Variants in FGF5 observed in about 807,000 individuals in gnomAD.
FGF5 encodes the protein heparin-binding growth factor 5.
FGF5 carries 23 observed loss-of-function variants against 21.8 expected under a neutral mutation model. The ratio of observed to expected loss-of-function variants is 1.05; its 90% CI spans 0.76 to 1.49. FGF5 has a LOEUF of 1.49. FGF5 is among the 40% of genes most tolerant of loss of function. The pLI is 0.00. For synonymous variants in FGF5, 158 were observed against 124.0 expected, an observed-to-expected ratio of 1.27 and a Z score of -1.82; for missense variants, 352 against 332.9, an observed-to-expected ratio of 1.06 and a Z score of -0.45.
rs1218990239 is a variant in FGF5, at chr4:80,290,741, A to C, written c.*4069A>C. ...ATGTGATGTTCCCCTTCGTGTGTCC[A>C]TGTGTTCTTATTGTTCAATTCCCAC... On this transcript the variant is annotated 3_prime_UTR_variant, in exon 3 of 3. Transcript: ENST00000312465. The C allele has an allele frequency of 6.6e-6, 1 of 151,594 alleles. No homozygotes were observed. The highest frequency in any genetic ancestry group is 1.9e-4 in the East Asian group (1 of 5,132). The allele number at this position is 151,594 out of a possible 1,614,324, so 9.4% of individuals were successfully genotyped here.
intron 2 of FGF5, among the ~76,000 whole-genome samples, chr4:80,278,969 C>T (rs1720486394): frequency 6.6e-6 from 1 of 152,166 alleles, no homozygotes. Context: ...TACTCTCTTT[C>T]TCAACACATT....
intron 2 of FGF5, among the ~76,000 whole-genome samples, chr4:80,275,922 A>G (rs1402567897): frequency 2.0e-5 from 3 of 152,060 alleles, no homozygotes; most frequent in African/African-American, 7.2e-5. Flanking sequence ...AATTATTGGA[A>G]TATCACTTTT....
At chr4:80,269,900 TGATCAATGCA>T (rs1477325686) in intron 1 of FGF5, among the ~76,000 whole-genome samples, 2 of 152,250 alleles carry the variant, frequency 1.3e-5, no homozygotes, top group Non-Finnish European at 2.9e-5. Context: ...TTACTACCTT[TGATCAATGCA>T]GAATTTGCAT....
At chr4:80,281,403 T>G (rs2109926821) in intron 2 of FGF5, among the ~76,000 whole-genome samples, 1 of 152,344 alleles carries the variant, frequency 6.6e-6, no homozygotes, top group South Asian at 2.1e-4. Context: ...GATAACCTTT[T>G]TGTTATTTAA....
intron 2 of FGF5, among the ~76,000 whole-genome samples, chr4:80,276,709 A>T (rs892338914): frequency 1.3e-5 from 2 of 151,432 alleles, no homozygotes; most frequent in Non-Finnish European, 2.9e-5. Flanking sequence ...ATTTTATTTT[A>T]AAATATTAGT....
chr4:80,270,954 A>C (rs913485674), intron 1 of FGF5, among the ~76,000 whole-genome samples: 1 of 152,222 alleles, frequency 6.6e-6, no homozygotes, highest in East Asian at 1.9e-4. Context: ...CAAGTGGAAA[A>C]TTTCTGTTGC....
At chr4:80,272,377 T>C (rs1720293691) in intron 1 of FGF5, among the ~76,000 whole-genome samples, 1 of 152,124 alleles carries the variant, frequency 6.6e-6, no homozygotes. Flanking sequence ...CTTCCCCATA[T>C]TTAAAATACA....
chr4:80,276,989 CA>C (rs551024993), intron 2 of FGF5, among the ~76,000 whole-genome samples: 3 of 150,924 alleles, frequency 2.0e-5, no homozygotes, highest in African/African-American at 7.3e-5. Context: ...ATAGTACATG[CA>C]AAAAAAATAG....
At chr4:80,280,535 T>G (rs1443383371) in intron 2 of FGF5, among the ~76,000 whole-genome samples, 2 of 152,180 alleles carry the variant, frequency 1.3e-5, no homozygotes, top group Non-Finnish European at 2.9e-5. Flanking sequence ...AGACCCTTAG[T>G]CTAGGAATCA....
Position 80,267,009 on chromosome 4 carries a change from C to A in FGF5, c.185C>A (p.Ser62Tyr). The A allele has an allele frequency of 1.9e-6, 3 of 1,614,206 alleles. No homozygotes were observed. The highest frequency in any genetic ancestry group is 2.5e-6 in the Non-Finnish European group (3 of 1,180,018). Residue 62 changes from serine to tyrosine, a missense_variant, in exon 1 of 3, where the codon TCC becomes TAC. Coordinates refer to ENST00000312465, the MANE Select transcript of FGF5 (RefSeq NM_004464.4). ...SAMSSSSASS[S>Y]PAASLGSQGS... ...ATGTCTTCCTCTTCTGCCTCCTCCT[C>A]CCCCGCAGCTTCTCTGGGCAGCCAA... is the stretch of plus-strand genomic sequence containing the variant.
At chr4:80,278,621 A>G (rs1006330110) in intron 2 of FGF5, among the ~76,000 whole-genome samples, 2 of 152,218 alleles carry the variant, frequency 1.3e-5, no homozygotes, top group African/African-American at 4.8e-5. Context: ...GGTAGGCCAG[A>G]GCAGATTCAG....
rs1578302269 is a variant in FGF5 at position 80,290,888 on chromosome 4, A to G, written c.*4216A>G. The G allele has an allele frequency of 6.6e-6, 1 of 152,252 alleles. No individual in the cohort carries two copies. Among genetic ancestry groups the G allele is most frequent in the Admixed American group, 6.5e-5 (1 of 15,292 alleles). The allele number at this position is 152,252 out of a possible 1,614,324, so 9.4% of individuals were successfully genotyped here. A position where few individuals can be genotyped will look rare whatever the true frequency, so the allele number is the denominator to read the frequency against. On this transcript the variant is annotated 3_prime_UTR_variant, in exon 3 of 3. Coordinates refer to ENST00000312465, the MANE Select transcript of FGF5 (RefSeq NM_004464.4). ...TGAACTCATCATTTTTTATGGCTGC[A>G]TAGTATTCCATGGTGTATATGTGCC...
At chr4:80,285,625 C>A (rs1358959645) in intron 2 of FGF5, among the ~76,000 whole-genome samples, 1 of 152,124 alleles carries the variant, frequency 6.6e-6, no homozygotes, top group East Asian at 1.9e-4. Context: ...TTCCACTATT[C>A]TGTAAGCATT....
At chr4:80,267,676 T>TTGTATA (rs1037088326) in intron 1 of FGF5, among the ~76,000 whole-genome samples, 3 of 151,416 alleles carry the variant, frequency 2.0e-5, no homozygotes, top group Non-Finnish European at 4.4e-5. Context: ...CAAATTAATA[T>TTGTATA]TGTATATGTA....
At chr4:80,282,445 A>C (rs1720579816) in intron 2 of FGF5, among the ~76,000 whole-genome samples, 1 of 152,182 alleles carries the variant, frequency 6.6e-6, no homozygotes, top group South Asian at 2.1e-4. Context: ...GGTTTGTTGA[A>C]TGTAACCTGT....
At chr4:80,284,157 G>C (rs1197002544) in intron 2 of FGF5, among the ~76,000 whole-genome samples, 1 of 152,144 alleles carries the variant, frequency 6.6e-6, no homozygotes, top group African/African-American at 2.4e-5. Flanking sequence ...GCCTTCGGCC[G>C]GGTGCGGTGG....
intron 1 of FGF5, among the ~76,000 whole-genome samples, chr4:80,270,024 T>C (rs751998839): frequency 1.3e-5 from 2 of 152,250 alleles, no homozygotes; most frequent in Admixed American, 6.5e-5. Context: ...AAGGCAGTAG[T>C]TGATGTTTCC....
rs1188604632 is a variant in FGF5, at chr4:80,266,728, G to T, written c.-97G>T. On this transcript the variant is annotated 5_prime_UTR_variant, in exon 1 of 3. Transcript: ENST00000312465. ...CCCGAGGCTATGTCCACCCGGTGCG[G>T]CGAGGCGGGCAGAGCCAGAGGCACG... 1.9e-6 allele frequency: 2 copies of T among 1,062,318 alleles called. No homozygotes were observed. The highest frequency in any genetic ancestry group is 1.5e-5 in the South Asian group (1 of 64,882). The allele number at this position is 1,062,318 out of a possible 1,614,324, so 65.8% of individuals were successfully genotyped here.
intron 2 of FGF5, among the ~76,000 whole-genome samples, chr4:80,281,062 T>C (rs1720539367): frequency 6.6e-6 from 1 of 152,020 alleles, no homozygotes; most frequent in Admixed American, 6.6e-5. Context: ...TATGAAGAAC[T>C]GAGATATAGA....
Sources: gnomAD v4.1 joint callset for allele counts (sites outside exome capture counted in the v4.1 genomes callset) on GRCh38, gnomAD v4.1.1 for gene constraint, MANE v1.5 for transcripts, NCBI Gene and HGNC (gene_info 2026-07-23, HGNC 2026-07-21) for gene names.